Variants in ATRNL1 observed in about 807,000 individuals in gnomAD.
ATRNL1 encodes attractin like 1, also known as attractin-like protein 1.
ATRNL1 carries 95 observed loss-of-function variants against 182.7 expected under a neutral mutation model. The ratio of observed to expected loss-of-function variants is 0.52; its 90% CI spans 0.44 to 0.62. ATRNL1 has a LOEUF of 0.62. Ranked by LOEUF, ATRNL1 falls within the 20% of genes least tolerant of loss-of-function variation. The probability of loss-of-function intolerance (pLI) is 0.00; values close to 1 mark genes in which losing one functional copy is unlikely to be tolerated. For synonymous variants in ATRNL1, 576 were observed against 568.3 expected (o/e 1.01, Z -0.19); for missense variants, 1,471 against 1,679.5 (o/e 0.88, Z 2.17).
intron 28 of ATRNL1, among the ~76,000 whole-genome samples, chr10:115,900,048 A>G (rs1952311735): frequency 6.6e-6 from 1 of 152,232 alleles, no homozygotes; most frequent in African/African-American, 2.4e-5. Context: ...ACAATATGCT[A>G]CTGGCATAAT....
chr10:115,629,339 T>C (rs2133825397), intron 26 of ATRNL1, among the ~76,000 whole-genome samples: 1 of 152,282 alleles, frequency 6.6e-6, no homozygotes, highest in South Asian at 2.1e-4. Flanking sequence ...CGGGATGTTA[T>C]AGGAGTGTAG....
At chr10:115,697,301 A>G (rs1292469975) in intron 26 of ATRNL1, among the ~76,000 whole-genome samples, 3 of 152,092 alleles carry the variant, frequency 2.0e-5, no homozygotes, top group Admixed American at 2.0e-4. Flanking sequence ...TGTTAACAGA[A>G]TATCACAGTT....
chr10:115,624,458 A>G (rs1214222299), intron 26 of ATRNL1, among the ~76,000 whole-genome samples: 1 of 152,246 alleles, frequency 6.6e-6, no homozygotes, highest in East Asian at 1.9e-4. Flanking sequence ...TTGGAATGAC[A>G]TAATTGTTTT....
intron 26 of ATRNL1, chr10:115,597,776 C>T (rs375081812): frequency 1.2e-4 from 45 of 386,886 alleles, no homozygotes; most frequent in African/African-American, 8.3e-4. Flanking sequence ...CTCAGGCGAT[C>T]TGCCCACCTC....
At chr10:115,197,838 A>T (rs987856614) in intron 8 of ATRNL1, among the ~76,000 whole-genome samples, 6 of 152,170 alleles carry the variant, frequency 3.9e-5, no homozygotes, top group African/African-American at 9.7e-5. Flanking sequence ...GTGGGCTCAT[A>T]AAGTTCAAAC....
chr10:115,933,158 A>G (rs1426554114), intron 28 of ATRNL1, among the ~76,000 whole-genome samples: 1 of 152,200 alleles, frequency 6.6e-6, no homozygotes, highest in African/African-American at 2.4e-5. Context: ...AAATTTTAAA[A>G]CAAACAAACA....
intron 24 of ATRNL1, among the ~76,000 whole-genome samples, chr10:115,495,937 A>G (rs906285045): frequency 3.3e-5 from 5 of 152,108 alleles, no homozygotes; most frequent in Admixed American, 6.6e-5. Flanking sequence ...ATCACCCACT[A>G]TTATTGTGTG....
At chr10:115,872,070 T>G (rs560137473) in intron 28 of ATRNL1, among the ~76,000 whole-genome samples, 6 of 152,232 alleles carry the variant, frequency 3.9e-5, no homozygotes, top group African/African-American at 1.4e-4. Context: ...TAAAGACTTA[T>G]TGAGTTACAG....
At chr10:115,755,874 G>A (rs184246163) in intron 27 of ATRNL1, among the ~76,000 whole-genome samples, 55 of 152,098 alleles carry the variant, frequency 3.6e-4, no homozygotes, top group East Asian at 2.3e-3. Context: ...TCAGGGATTC[G>A]ACTTCTTCCT....
At chr10:115,466,960 G>A (rs1485258204) in intron 22 of ATRNL1, among the ~76,000 whole-genome samples, 2 of 150,900 alleles carry the variant, frequency 1.3e-5, no homozygotes, top group East Asian at 3.9e-4. Context: ...AATTATAATA[G>A]AGAAGATAAA....
At chr10:115,391,621 ATT>A (rs34059560) in intron 19 of ATRNL1, among the ~76,000 whole-genome samples, 8 of 148,010 alleles carry the variant, frequency 5.4e-5, no homozygotes, top group East Asian at 2.0e-4. Context: ...TATTCAATGC[ATT>A]TTTTTTTTTC....
chr10:115,635,225 T>G (rs534542260), intron 26 of ATRNL1, among the ~76,000 whole-genome samples: 1 of 151,830 alleles, frequency 6.6e-6, no homozygotes, highest in East Asian at 1.9e-4. Context: ...TGAGAGAAGG[T>G]ATTTTCAATA....
intron 25 of ATRNL1, among the ~76,000 whole-genome samples, chr10:115,543,185 A>T (rs1168350035): frequency 6.6e-6 from 1 of 152,032 alleles, no homozygotes; most frequent in African/African-American, 2.4e-5. Context: ...AGGTACAGTA[A>T]CTCTTGCTTA....
intron 3 of ATRNL1, among the ~76,000 whole-genome samples, chr10:115,122,967 TTACTC>T (rs1369329542): frequency 1.1e-4 from 17 of 152,278 alleles, no homozygotes; most frequent in Admixed American, 7.2e-4. Flanking sequence ...TTTGCTATCT[TTACTC>T]TATTTTTATG....
chr10:115,581,896 C>T (rs12765097), intron 26 of ATRNL1, among the ~76,000 whole-genome samples: 1 of 108,486 alleles, frequency 9.2e-6, no homozygotes, highest in Non-Finnish European at 1.8e-5. Flanking sequence ...CCTCCCCCCT[C>T]CCCCCACCCC....
At chr10:115,758,960 A>C (rs1244578213) in intron 27 of ATRNL1, among the ~76,000 whole-genome samples, 1 of 152,232 alleles carries the variant, frequency 6.6e-6, no homozygotes, top group Non-Finnish European at 1.5e-5. Flanking sequence ...TTATAAAAAA[A>C]CTTTTGGTTA....
At chr10:115,251,965 G>A (rs1343583928) in intron 10 of ATRNL1, among the ~76,000 whole-genome samples, 1 of 152,116 alleles carries the variant, frequency 6.6e-6, no homozygotes, top group Non-Finnish European at 1.5e-5. Context: ...TCTGAACCTA[G>A]TACCACTTGT....
At chr10:115,866,732 C>T (rs1045410356) in intron 28 of ATRNL1, among the ~76,000 whole-genome samples, 6 of 152,052 alleles carry the variant, frequency 3.9e-5, no homozygotes, top group African/African-American at 1.4e-4. Flanking sequence ...TATATTTAAT[C>T]TGCTGTTTTA....
At chr10:115,500,162 G>A (rs1342876258) in intron 24 of ATRNL1, among the ~76,000 whole-genome samples, 2 of 152,176 alleles carry the variant, frequency 1.3e-5, no homozygotes, top group Non-Finnish European at 2.9e-5. Context: ...CAGTAGGCAT[G>A]TATGAATGTG....
Sources: gnomAD v4.1 joint callset for allele counts (sites outside exome capture counted in the v4.1 genomes callset) on GRCh38, gnomAD v4.1.1 for gene constraint, MANE v1.5 for transcripts, NCBI Gene and HGNC (gene_info 2026-07-23, HGNC 2026-07-21) for gene names.